SRP54: variants seen among roughly 807,000 people sequenced by gnomAD.
SRP54 encodes the protein signal recognition particle subunit SRP54.
In SRP54, 10 loss-of-function variants were observed where a neutral mutation model predicts 64.8. That is an observed-to-expected ratio of 0.15 (90% confidence interval 0.10 to 0.26). The LOEUF is 0.26. SRP54 is among the 10% of genes least tolerant of loss of function. The pLI is 1.00. For synonymous variants in SRP54, 193 were observed against 185.6 expected (o/e 1.04, Z -0.32); for missense variants, 325 against 613.7 (o/e 0.53, Z 4.97).
chr14:34,993,196 T>C (rs1445735330), intron 1 of SRP54: 1 of 152,190 alleles, frequency 6.6e-6, no homozygotes, highest in African/African-American at 2.4e-5. Context: ...GATCTGTTTA[T>C]GACATGACCT....
chr14:35,012,940 A>AG (rs2044377848), intron 8 of SRP54, among the ~76,000 whole-genome samples: 2 of 113,830 alleles, frequency 1.8e-5, no homozygotes, highest in South Asian at 3.0e-4. Flanking sequence ...TAAATGTTGT[A>AG]GTTTTTTTTT....
intron 11 of SRP54, among the ~76,000 whole-genome samples, chr14:35,018,455 A>G (rs988412805): frequency 6.6e-6 from 1 of 152,134 alleles, no homozygotes; most frequent in Non-Finnish European, 1.5e-5. Flanking sequence ...GTGTGTTTGT[A>G]TATGTGTCTT....
rs1040390032 is a variant in SRP54, at chr14:34,983,013, C to G, written c.-236C>G. The G allele has an allele frequency of 6.6e-6, 1 of 152,378 alleles. No homozygotes were observed. The highest frequency in any genetic ancestry group is 1.5e-5 in the Non-Finnish European group (1 of 68,168). 9.4% of individuals were successfully genotyped at this position (152,378 alleles called of 1,614,324 possible). ...CCTCATTGGGCGGAAGGTTCGCTGG[C>G]ACTCCGTTGGTCTTCCAGCTGGTGG... On this transcript the variant is annotated 5_prime_UTR_variant, in exon 1 of 16. Coordinates refer to ENST00000216774, the MANE Select transcript of SRP54 (RefSeq NM_003136.4).
At chr14:35,010,202 C>G (rs982541076) in intron 7 of SRP54, among the ~76,000 whole-genome samples, 4 of 152,034 alleles carry the variant, frequency 2.6e-5, no homozygotes, top group Admixed American at 2.0e-4. Flanking sequence ...AATCCCCGTA[C>G]TTTGGGAGGC....
At chr14:34,984,948 C>T (rs1191065731) in intron 1 of SRP54, among the ~76,000 whole-genome samples, 2 of 147,890 alleles carry the variant, frequency 1.4e-5, no homozygotes, top group Admixed American at 6.8e-5. Flanking sequence ...GTCATGCATA[C>T]GAAAGTGTAT....
chr14:35,028,716 T>G (rs2139034874), intron 15 of SRP54, among the ~76,000 whole-genome samples: 2 of 152,366 alleles, frequency 1.3e-5, no homozygotes, highest in East Asian at 3.9e-4. Flanking sequence ...CCCTATTGAT[T>G]ATTTTTTATG....
intron 1 of SRP54, among the ~76,000 whole-genome samples, chr14:34,987,396 T>G (rs1012996982): frequency 6.6e-6 from 1 of 151,724 alleles, no homozygotes; most frequent in African/African-American, 2.4e-5. Flanking sequence ...TTCGTACATT[T>G]TTATTATCCC....
At chr14:34,984,128 T>C (rs1230497709) in intron 1 of SRP54, among the ~76,000 whole-genome samples, 2 of 152,238 alleles carry the variant, frequency 1.3e-5, no homozygotes, top group Admixed American at 6.5e-5. Flanking sequence ...TTTTTTGATA[T>C]GGCCAACTGG....
intron 1 of SRP54, among the ~76,000 whole-genome samples, chr14:34,985,151 C>T (rs934793082): frequency 3.9e-5 from 6 of 152,110 alleles, no homozygotes; most frequent in Non-Finnish European, 5.9e-5. Context: ...GGTAACATGG[C>T]GAAACTCCCT....
chr14:34,984,293 C>T (rs4981258), intron 1 of SRP54, among the ~76,000 whole-genome samples: 3 of 151,974 alleles, frequency 2.0e-5, no homozygotes, highest in African/African-American at 7.2e-5. Flanking sequence ...TGATTTTCTC[C>T]TATGTGCCAT....
At chr14:35,016,580 C>T (rs919098421) in intron 11 of SRP54, among the ~76,000 whole-genome samples, 5 of 152,186 alleles carry the variant, frequency 3.3e-5, no homozygotes, top group African/African-American at 1.2e-4. Context: ...TCTTCAGGGA[C>T]ATTTCACCTG....
rs568493401 is a variant in SRP54, at chr14:34,996,655, C to T, written c.-33-22C>T. ...TGGGAAGTGAAATTGATTATTCTCACTTAATTTTTTTTCTGCTGTAGAGTT... is the reference window on the plus strand; with the variant it reads ...TGGGAAGTGAAATTGATTATTCTCATTTAATTTTTTTTCTGCTGTAGAGTT... On this transcript the variant is annotated intron_variant, in intron 1 of 15. Transcript: ENST00000216774. 68 of 1,228,230 alleles carry T rather than the reference C, an allele frequency of 5.5e-5. No individual in the cohort carries two copies. The African/African-American group carries it at 8.3e-4, about 15-fold the overall frequency. 76.1% of individuals were successfully genotyped at this position (1,228,230 alleles called of 1,614,324 possible). A position where few individuals can be genotyped will look rare whatever the true frequency, so the allele number is the denominator to read the frequency against.
At chr14:34,987,643 T>G (rs2043920352) in intron 1 of SRP54, among the ~76,000 whole-genome samples, 1 of 152,204 alleles carries the variant, frequency 6.6e-6, no homozygotes, top group Non-Finnish European at 1.5e-5. Flanking sequence ...TGATATACCT[T>G]TGTATTTTAT....
At chr14:34,999,407 A>G (rs1045802998) in intron 2 of SRP54, 151 bp from the exon 3 acceptor site, 4 of 518,520 alleles carry the variant, frequency 7.7e-6, no homozygotes, top group African/African-American at 1.9e-5. Context: ...ATGACTAAAC[A>G]TTTAATAAAA....
intron 3 of SRP54, among the ~76,000 whole-genome samples, chr14:35,000,104 T>G (rs995122791): frequency 2.0e-5 from 3 of 152,168 alleles, no homozygotes; most frequent in Non-Finnish European, 4.4e-5. Flanking sequence ...ATGTGTTTGG[T>G]CTCAGTTATC....
Position 34,984,283 on chromosome 14 carries a change from TG to T in SRP54, c.-34+1069del, listed in dbSNP as rs1449918118. ...ACCATAAATGTAGCTTTTTAAAAATTGATTTTCTCCTATGTGCCATGGAGAA... is the reference window on the plus strand; with the variant it reads ...ACCATAAATGTAGCTTTTTAAAAATTATTTTCTCCTATGTGCCATGGAGAA... On this transcript the variant is annotated intron_variant, in intron 1 of 15. Transcript: ENST00000216774. Among the ~76,000 whole-genome samples, 31 of 152,284 alleles carry T rather than the reference TG, an allele frequency of 2.0e-4. No individual in the cohort carries two copies. In the East Asian group the frequency reaches 5.6e-3, roughly 28 times the overall value.
At chr14:34,996,298 C>G (rs928452339) in intron 1 of SRP54, among the ~76,000 whole-genome samples, 1 of 151,934 alleles carries the variant, frequency 6.6e-6, no homozygotes, top group Non-Finnish European at 1.5e-5. Flanking sequence ...GGCAGTATTC[C>G]TGGAGATTTC....
intron 5 of SRP54, 47 bp downstream of exon 5, chr14:35,007,434 G>T: frequency 8.2e-7 from 1 of 1,220,484 alleles, no homozygotes; most frequent in Non-Finnish European, 1.1e-6. Context: ...AGATAGGTTT[G>T]TATAAATCAA....
chr14:35,012,476 T>A (rs1160753956), intron 8 of SRP54, among the ~76,000 whole-genome samples: 3 of 152,178 alleles, frequency 2.0e-5, no homozygotes, highest in East Asian at 3.8e-4. Flanking sequence ...TTAATGCTAA[T>A]AAGTTTCTTT....
Sources: gnomAD v4.1 joint callset for allele counts (sites outside exome capture counted in the v4.1 genomes callset) on GRCh38, gnomAD v4.1.1 for gene constraint, MANE v1.5 for transcripts, NCBI Gene and HGNC (gene_info 2026-07-23, HGNC 2026-07-21) for gene names.